KCNJ6: variants seen among roughly 807,000 people sequenced by gnomAD.
KCNJ6 encodes the protein G protein-activated inward rectifier potassium channel 2.
A neutral mutation model predicts 34.2 loss-of-function variants in KCNJ6; 9 were observed. The observed-to-expected ratio is 0.26, with a 90% CI of 0.16 to 0.46. The LOEUF (loss-of-function observed/expected upper bound fraction) is 0.46, where lower values mean the gene tolerates loss of function less well. Ranked by LOEUF, KCNJ6 falls within the 20% of genes least tolerant of loss-of-function variation. The probability of loss-of-function intolerance (pLI) is 1.00; values close to 1 mark genes in which losing one functional copy is unlikely to be tolerated. For synonymous variants in KCNJ6, 196 were observed against 207.1 expected, an observed-to-expected ratio of 0.95 and a Z score of 0.46; for missense variants, 236 against 531.3, an observed-to-expected ratio of 0.44 and a Z score of 5.46.
intron 3 of KCNJ6, among the ~76,000 whole-genome samples, chr21:37,649,261 G>A (rs1384933652): frequency 6.6e-6 from 1 of 151,942 alleles, no homozygotes; most frequent in African/African-American, 2.4e-5. Context: ...GGGAGAGGCC[G>A]AGGAGTTCCG....
chr21:37,714,436 A>G lies in KCNJ6; in HGVS notation c.721T>C (p.Leu241=), dbSNP rs780638592. Residue 241 remains leucine (L), a synonymous_variant, in exon 3 of 4, where the codon TTG becomes CTG. Transcript: ENST00000609713. The surrounding 1 kb of genome is among the most constrained non-coding windows in gnomAD (Gnocchi z 5.9). ...HIVEASIRAK[L]IKSKQTSEGE... is the part of the protein sequence containing the mutation. ...TCCGAGGTCTGTTTGGATTTGATCA[A>G]CTTGGCTCTGATGGAAGCCTCCACA... The G allele has an allele frequency of 6.2e-7, 1 of 1,614,222 alleles. No homozygotes were observed. Among genetic ancestry groups the G allele is most frequent in the East Asian group, 2.2e-5 (1 of 44,880 alleles).
intron 2 of KCNJ6, among the ~76,000 whole-genome samples, chr21:37,786,624 C>G (rs1201149952): frequency 6.6e-6 from 1 of 152,192 alleles, no homozygotes; most frequent in Non-Finnish European, 1.5e-5. Flanking sequence ...CTTTTCTGCT[C>G]TCATCTCTGC....
At chr21:37,655,179 TTGTGTGTGTGTGTGTG>T (rs369378573) in intron 3 of KCNJ6, among the ~76,000 whole-genome samples, 9 of 24,010 alleles carry the variant, frequency 3.7e-4, no homozygotes, top group Non-Finnish European at 7.4e-4. Flanking sequence ...CTCTAGACAT[TTGTGTGTGTGTGTGTG>T]TGTGTGTGTG....
intron 2 of KCNJ6, among the ~76,000 whole-genome samples, chr21:37,827,155 T>G (rs1016612141): frequency 6.6e-6 from 1 of 152,150 alleles, no homozygotes; most frequent in Admixed American, 6.5e-5. Context: ...TGATATTTGG[T>G]TTGGGTTTGA....
chr21:37,913,310 TAAGAG>T lies in KCNJ6; in HGVS notation c.-28+2569_-28+2573del, dbSNP rs567429795. Among the ~76,000 whole-genome samples the T allele has an allele frequency of 1.9e-4, 29 of 152,340 alleles. No individual in the cohort carries two copies. The South Asian group carries it at 6.0e-3, about 32-fold the overall frequency. On this transcript the variant is annotated intron_variant, in intron 1 of 3. Transcript: ENST00000609713. ...CCTGCAGTTTCTTCCTTGTTTGTAT[TAAGAG>T]AAGTGACTCCTCTCGGTTTCCTACG...
intron 2 of KCNJ6, among the ~76,000 whole-genome samples, chr21:37,795,782 A>G (rs2055238905): frequency 6.6e-6 from 1 of 151,630 alleles, no homozygotes; most frequent in Admixed American, 6.6e-5. Context: ...ATGCAACCAC[A>G]TTTTTTCTGA....
intron 3 of KCNJ6, among the ~76,000 whole-genome samples, chr21:37,691,448 C>T (rs2054639296): frequency 6.6e-6 from 1 of 152,224 alleles, no homozygotes; most frequent in Non-Finnish European, 1.5e-5. Context: ...TCCCAGCCTG[C>T]TTGGCACAGC....
intron 2 of KCNJ6, among the ~76,000 whole-genome samples, chr21:37,773,813 T>C (rs2055129119): frequency 6.6e-6 from 1 of 152,148 alleles, no homozygotes; most frequent in African/African-American, 2.4e-5. Flanking sequence ...AATCTTGTCA[T>C]GAATTTTTGA....
intron 3 of KCNJ6, among the ~76,000 whole-genome samples, chr21:37,682,020 A>G (rs1191736834): frequency 2.6e-5 from 4 of 152,212 alleles, no homozygotes; most frequent in African/African-American, 9.6e-5. Context: ...GGCCCATCAC[A>G]TTACTGTCCT....
intron 2 of KCNJ6, among the ~76,000 whole-genome samples, chr21:37,786,263 C>T (rs2055192050): frequency 6.6e-6 from 1 of 152,202 alleles, no homozygotes; most frequent in African/African-American, 2.4e-5. Context: ...TGAGCTTCCA[C>T]AGGGAGGAAG....
intron 2 of KCNJ6, among the ~76,000 whole-genome samples, chr21:37,835,844 T>C (rs2055449039): frequency 6.6e-6 from 1 of 151,864 alleles, no homozygotes; most frequent in African/African-American, 2.4e-5. Context: ...AACCCTCCAG[T>C]GTGGGCTTTC....
At chr21:37,853,960 A>C (rs2055551795) in intron 1 of KCNJ6, among the ~76,000 whole-genome samples, 1 of 150,728 alleles carries the variant, frequency 6.6e-6, no homozygotes, top group South Asian at 2.1e-4. Flanking sequence ...CACTATAGAT[A>C]AATCAAAGTT....
intron 1 of KCNJ6, among the ~76,000 whole-genome samples, chr21:37,885,497 G>A (rs763931572): frequency 1.1e-4 from 17 of 152,220 alleles, no homozygotes; most frequent in Non-Finnish European, 2.4e-4. Flanking sequence ...AGATGATCCT[G>A]TGGGGGCAGA....
At chr21:37,831,120 G>T (rs983839975) in intron 2 of KCNJ6, among the ~76,000 whole-genome samples, 4 of 152,224 alleles carry the variant, frequency 2.6e-5, no homozygotes, top group Non-Finnish European at 5.9e-5. Context: ...AGCCTCAGAG[G>T]TAGGTAGGAT....
At chr21:37,843,810 C>T (rs1007018938) in intron 1 of KCNJ6, among the ~76,000 whole-genome samples, 2 of 152,180 alleles carry the variant, frequency 1.3e-5, no homozygotes, top group African/African-American at 2.4e-5. Context: ...ACAACCTCTG[C>T]TCTCCCAGAA....
intron 3 of KCNJ6, among the ~76,000 whole-genome samples, chr21:37,713,020 G>T (rs908424821): frequency 6.6e-6 from 1 of 151,970 alleles, no homozygotes; most frequent in Non-Finnish European, 1.5e-5. Context: ...CTTTACTCAC[G>T]TTTTCACTGT....
chr21:37,692,494 C>A (rs2054644451), intron 3 of KCNJ6, among the ~76,000 whole-genome samples: 1 of 152,136 alleles, frequency 6.6e-6, no homozygotes, highest in Non-Finnish European at 1.5e-5. Context: ...ATCCCAAGCC[C>A]CATTTTAGTG....
At position 37,724,493 on chromosome 21, in the gene KCNJ6, T is replaced by C. The variant is rs2054843560; in HGVS notation, c.26-9362A>G. ...AGGTGCTGAAATAAGGAGGCAGCCATGGGAGTGAAGAGATGGCAGTGGATT... is the reference window on the plus strand; with the variant it reads ...AGGTGCTGAAATAAGGAGGCAGCCACGGGAGTGAAGAGATGGCAGTGGATT... On this transcript the variant is annotated intron_variant, in intron 2 of 3. Transcript: ENST00000609713. 2.0e-5 allele frequency among the ~76,000 whole-genome samples: 3 copies of C among 151,954 alleles called. No individual in the cohort carries two copies. In the South Asian group the frequency reaches 6.2e-4, roughly 32 times the overall value.
intron 2 of KCNJ6, among the ~76,000 whole-genome samples, chr21:37,755,251 G>A (rs1327839671): frequency 1.3e-5 from 2 of 151,794 alleles, no homozygotes; most frequent in Non-Finnish European, 2.9e-5. Flanking sequence ...GCTTCTGGTT[G>A]TCTATTTCTG....
Sources: gnomAD v4.1 joint callset for allele counts (sites outside exome capture counted in the v4.1 genomes callset) on GRCh38, gnomAD v4.1.1 for gene constraint, Gnocchi (gnomAD v3.1) non-coding constraint, MANE v1.5 for transcripts, NCBI Gene and HGNC (gene_info 2026-07-23, HGNC 2026-07-21) for gene names.